Variants in DGKB observed in about 807,000 individuals in gnomAD.
The protein encoded by DGKB is diacylglycerol kinase beta.
DGKB carries 67 observed loss-of-function variants against 114.3 expected under a neutral mutation model. The observed-to-expected ratio is 0.59, with a 90% CI of 0.48 to 0.72. The LOEUF (loss-of-function observed/expected upper bound fraction) is 0.72. DGKB is among the 30% of genes least tolerant of loss of function. The pLI, the probability that DGKB is intolerant of heterozygous loss-of-function variation, is 0.00. For missense variants in DGKB, 907 were observed against 975.2 expected (o/e 0.93, Z 0.93); for synonymous variants, 398 against 323.1 (o/e 1.23, Z -2.49).
At chr7:14,356,349 G>GT (rs1563003277) in intron 21 of DGKB, among the ~76,000 whole-genome samples, 2 of 109,312 alleles carry the variant, frequency 1.8e-5, no homozygotes, top group East Asian at 3.1e-4. Context: ...TGCTTCTCTA[G>GT]TTCTTTTTTT....
chr7:14,145,904 A>T lies in DGKB; in HGVS notation c.*3227T>A, dbSNP rs1781429760. The T allele has an allele frequency of 6.6e-6, 1 of 152,236 alleles. No homozygotes were observed. The highest frequency in any genetic ancestry group is 6.5e-5 in the Admixed American group (1 of 15,282). 9.4% of individuals were successfully genotyped at this position (152,236 alleles called of 1,614,324 possible). On this transcript the variant is annotated 3_prime_UTR_variant, in exon 26 of 26. Transcript: ENST00000402815. Reference sequence around the variant, plus strand: ...GATTCAAAACATATTCTTCCCTGAAAAATTGCAACTACTTCCCATATGCCT... The same window carrying T: ...GATTCAAAACATATTCTTCCCTGAATAATTGCAACTACTTCCCATATGCCT...
chr7:14,172,150 G>A (rs1288919873), intron 25 of DGKB, among the ~76,000 whole-genome samples: 2 of 152,144 alleles, frequency 1.3e-5, no homozygotes, highest in Non-Finnish European at 2.9e-5. Flanking sequence ...GGAAAAATTT[G>A]TTTGGACAAG....
rs187031973 is a variant in DGKB, at chr7:14,706,443, A to T, written c.467-4713T>A. 6.9e-3 allele frequency among the ~76,000 whole-genome samples: 1,032 copies of T among 150,462 alleles called. 15 individuals are homozygous for T. The highest frequency in any genetic ancestry group is 0.023 in the African/African-American group (952 of 41,014). On this transcript the variant is annotated intron_variant, in intron 6 of 25. Transcript: ENST00000402815. ...GTCAACAAGGATACCCAGGAATTGA[A>T]CTCAGCTCTGCACCAAGAGGACCTA...
chr7:14,597,540 C>T (rs1802795718), intron 17 of DGKB, among the ~76,000 whole-genome samples: 2 of 152,114 alleles, frequency 1.3e-5, no homozygotes, highest in East Asian at 1.9e-4. Flanking sequence ...TTACGAAGAA[C>T]ACTGTTACCC....
At chr7:14,680,406 A>C (rs1820625652) in intron 12 of DGKB, among the ~76,000 whole-genome samples, 1 of 151,982 alleles carries the variant, frequency 6.6e-6, no homozygotes, top group African/African-American at 2.4e-5. Context: ...TTAAAAGTAC[A>C]GTCTATTGAA....
At chr7:14,639,302 G>T (rs1169735569) in intron 13 of DGKB, among the ~76,000 whole-genome samples, 2 of 152,192 alleles carry the variant, frequency 1.3e-5, no homozygotes, top group Non-Finnish European at 2.9e-5. Context: ...AAAGGTAAAA[G>T]AAAACCTAGT....
rs1035798202 is a variant in DGKB at position 14,341,517 on chromosome 7, CAGTT to C, written c.1927-2811_1927-2808del. Among the ~76,000 whole-genome samples, 8 of 151,940 alleles carry C rather than the reference CAGTT, an allele frequency of 5.3e-5. No individual in the cohort carries two copies. The South Asian group carries it at 6.2e-4, about 12-fold the overall frequency. On this transcript the variant is annotated intron_variant, in intron 22 of 25. Transcript: ENST00000402815. ...ATAAAAGCTTAAAAGCTAACAGCCT[CAGTT>C]AGTCAATAAATCCTGAATATTTTTA... is the stretch of plus-strand genomic sequence containing the variant.
At chr7:14,661,391 G>A (rs377151391) in intron 13 of DGKB, among the ~76,000 whole-genome samples, 90 of 142,738 alleles carry the variant, frequency 6.3e-4, no homozygotes, top group African/African-American at 1.9e-3. Context: ...AAAAGTGGGC[G>A]AAGGACATGA....
At chr7:14,772,107 T>G (rs752277477) in intron 2 of DGKB, among the ~76,000 whole-genome samples, 28 of 152,176 alleles carry the variant, frequency 1.8e-4, no homozygotes, top group Admixed American at 8.5e-4. Context: ...TTCTTAAATG[T>G]ATTTGATTGA....
At chr7:14,356,448 G>A (rs1010972964) in intron 21 of DGKB, among the ~76,000 whole-genome samples, 24 of 137,110 alleles carry the variant, frequency 1.8e-4, no homozygotes, top group Admixed American at 8.4e-4. Context: ...TGCAAGCTCC[G>A]CCTTCCGGGT....
chr7:14,482,819 T>C (rs1418703764), intron 20 of DGKB, among the ~76,000 whole-genome samples: 3 of 152,280 alleles, frequency 2.0e-5, no homozygotes, highest in Admixed American at 1.3e-4. Context: ...CACCTGTTAA[T>C]ATTTTTAAAG....
At chr7:14,465,001 C>T (rs749207940) in intron 21 of DGKB, among the ~76,000 whole-genome samples, 2 of 152,040 alleles carry the variant, frequency 1.3e-5, no homozygotes, top group Admixed American at 1.3e-4. Flanking sequence ...GCGACAGGGG[C>T]GACTCTCAGT....
chr7:14,192,002 G>A (rs546426787), intron 23 of DGKB: 2 of 544,272 alleles, frequency 3.7e-6, no homozygotes, highest in Non-Finnish European at 6.6e-6. Context: ...CCTGTGTTGA[G>A]AGCTTTTCTG....
chr7:14,969,148 G>C (rs548792036), intron 1 of DGKB, among the ~76,000 whole-genome samples: 3 of 152,244 alleles, frequency 2.0e-5, no homozygotes, highest in Middle Eastern at 3.4e-3. Flanking sequence ...TGATATTACC[G>C]TCTGTCAGTT....
chr7:14,769,069 AT>A (rs1562486746), intron 2 of DGKB, among the ~76,000 whole-genome samples: 1 of 111,032 alleles, frequency 9.0e-6, no homozygotes, highest in African/African-American at 3.4e-5. Context: ...ATTTTTAAAG[AT>A]AAGAAAGAAA....
intron 23 of DGKB, among the ~76,000 whole-genome samples, chr7:14,214,841 G>A (rs1562641236): frequency 6.6e-6 from 1 of 152,092 alleles, no homozygotes; most frequent in South Asian, 2.1e-4. Flanking sequence ...AAGACTAAGG[G>A]AATACAGTAC....
intron 9 of DGKB, among the ~76,000 whole-genome samples, chr7:14,687,733 C>G (rs912538762): frequency 6.6e-6 from 1 of 152,154 alleles, no homozygotes; most frequent in Non-Finnish European, 1.5e-5. Flanking sequence ...GTATATATTA[C>G]TGTTCTTGTA....
intron 13 of DGKB, among the ~76,000 whole-genome samples, chr7:14,645,700 G>GA (rs560563150): frequency 0.048 from 6,750 of 141,342 alleles, 203 homozygotes; most frequent in African/African-American, 0.089. Flanking sequence ...AATGCTAAAA[G>GA]AAAAAAAAAA....
chr7:14,422,058 T>A (rs1239499256), intron 21 of DGKB, among the ~76,000 whole-genome samples: 2 of 152,038 alleles, frequency 1.3e-5, no homozygotes, highest in Non-Finnish European at 2.9e-5. Context: ...AATATTGATA[T>A]GTTTACCTAT....
Sources: gnomAD v4.1 joint callset for allele counts (sites outside exome capture counted in the v4.1 genomes callset) on GRCh38, gnomAD v4.1.1 for gene constraint, MANE v1.5 for transcripts, NCBI Gene and HGNC (gene_info 2026-07-23, HGNC 2026-07-21) for gene names.